Variants in HERC1 observed in about 807,000 individuals in gnomAD.
The protein encoded by HERC1 is probable E3 ubiquitin-protein ligase HERC1.
Under a neutral mutation model 554.3 loss-of-function variants are expected in HERC1, and 160 were observed. That is an observed-to-expected ratio of 0.29 (90% CI 0.25 to 0.33). The LOEUF (loss-of-function observed/expected upper bound fraction) is 0.33, where lower values mean the gene tolerates loss of function less well. Among genes scored for constraint, HERC1 ranks in the 10% least tolerant of loss-of-function variants. HERC1 has a pLI of 1.00. For synonymous variants in HERC1, 2,175 were observed against 2,131.7 expected (o/e 1.02, Z -0.56); for missense variants, 4,919 against 5,918.5 (o/e 0.83, Z 5.54).
rs201312041 is a variant in HERC1 at position 63,656,276 on chromosome 15, C to T, written c.9682G>A (p.Ala3228Thr). 180 of 1,613,960 alleles carry T rather than the reference C, an allele frequency of 1.1e-4. No homozygotes were observed. The highest frequency in any genetic ancestry group is 1.5e-4 in the Admixed American group (9 of 60,026). ...IRTLVRLMCLAAAGRAGLSTS... is the reference protein window; with the variant it reads ...IRTLVRLMCLTAAGRAGLSTS... ...GAGAGGCCAGCTCTCCCTGCTGCTG[C>T]CAAGCACATTAATCGAACTAGCGTT... The change falls in exon 49 of 78, where the codon GCA becomes ACA. Residue 3228 changes from alanine to threonine, a missense_variant. By Grantham distance (58) the Ala-to-Thr change is moderately conservative. Transcript: ENST00000443617.
At chr15:63,770,639 T>A (rs1207311989) in intron 2 of HERC1, among the ~76,000 whole-genome samples, 1 of 152,244 alleles carries the variant, frequency 6.6e-6, no homozygotes, top group African/African-American at 2.4e-5. Context: ...TACATATGTG[T>A]GGGCAGCAGA....
rs933434277 is a variant in HERC1 at position 63,661,024 on chromosome 15, A to G, written c.9172T>C (p.Tyr3058His). Residue 3058 changes from tyrosine to histidine, a missense_variant and splice_region_variant, in exon 46 of 78, where the codon TAC becomes CAC. This residue lies in a region of HERC1 where 1,963 missense variants were observed against 2,228.6 expected (regional missense o/e 0.88). Transcript: ENST00000443617. ...ATTAGATCTGGAGCTTGTCCCTTGT[A>G]CCTGCACCAAACATGAAGAACATTG... ...TKSKSTSSER[Y>H]KGQAPDLIGK... 6.8e-6 allele frequency: 11 copies of G among 1,610,086 alleles called. No individual in the cohort carries two copies. Among genetic ancestry groups the G allele is most frequent in the Non-Finnish European group, 8.5e-6 (10 of 1,176,526 alleles).
At chr15:63,705,465 T>C (rs1470798795) in intron 25 of HERC1, among the ~76,000 whole-genome samples, 1 of 152,188 alleles carries the variant, frequency 6.6e-6, no homozygotes, top group Non-Finnish European at 1.5e-5. Flanking sequence ...TTGCCAAATT[T>C]TAAGTAACAA....
chr15:63,704,532 T>C (rs902715878), intron 25 of HERC1, among the ~76,000 whole-genome samples: 3 of 152,160 alleles, frequency 2.0e-5, no homozygotes, highest in Middle Eastern at 3.2e-3. Context: ...CCAAATGATA[T>C]ACATTTATTA....
At chr15:63,649,111 T>C (rs748329455) in intron 54 of HERC1, among the ~76,000 whole-genome samples, 23 of 152,296 alleles carry the variant, frequency 1.5e-4, no homozygotes, top group South Asian at 4.1e-4. Context: ...TCCCAGGACT[T>C]TGGGAGGCCA....
At chr15:63,638,368 T>C in intron 63 of HERC1, 43 bp downstream of exon 63, 13 of 1,588,580 alleles carry the variant, frequency 8.2e-6, no homozygotes, top group Non-Finnish European at 1.1e-5. Context: ...ATTAGAATTT[T>C]CAGTTCCCAT....
rs769331312 is a variant in HERC1, at chr15:63,678,022, G to A, written c.6893C>T (p.Thr2298Ile). The A allele has an allele frequency of 2.5e-6, 4 of 1,613,984 alleles. No individual in the cohort carries two copies. Among genetic ancestry groups the A allele is most frequent in the Non-Finnish European group, 3.4e-6 (4 of 1,179,882 alleles). ...LADLSELQLR[T>I]LCIEVWPVLA... Reference sequence around the variant, plus strand: ...CACGGGCCACACCTCTATGCAAAGAGTCCTCAGCTGCAGCTCTGAGAGGTC... The same window carrying A: ...CACGGGCCACACCTCTATGCAAAGAATCCTCAGCTGCAGCTCTGAGAGGTC... Residue 2298 changes from threonine to isoleucine, a missense_variant, in exon 37 of 78, where the codon ACT becomes ATT. Physicochemically the swap from Thr to Ile is moderately conservative, Grantham distance 89. Transcript: ENST00000443617.
At chr15:63,732,734 C>A (rs993795620) in intron 14 of HERC1, among the ~76,000 whole-genome samples, 190 bp downstream of exon 14, 1 of 152,146 alleles carries the variant, frequency 6.6e-6, no homozygotes, top group African/African-American at 2.4e-5. Flanking sequence ...TAAAATAAAT[C>A]CCTTTGAAAT....
chr15:63,616,317 T>C lies in HERC1; in HGVS notation c.13941+113A>G, dbSNP rs1304996072. On this transcript the variant is annotated intron_variant, in intron 75 of 77. Coordinates refer to ENST00000443617, the MANE Select transcript of HERC1 (RefSeq NM_003922.4). Reference sequence around the variant, plus strand: ...GGGCAGCAATGGCATAGATATGGCATTGTTCAGCCAGACAGCAAGTGGAAG... The same window carrying C: ...GGGCAGCAATGGCATAGATATGGCACTGTTCAGCCAGACAGCAAGTGGAAG... 17 of 1,135,224 alleles carry C rather than the reference T, an allele frequency of 1.5e-5. No homozygotes were observed. The East Asian group carries it at 2.6e-4, about 17-fold the overall frequency. The allele number at this position is 1,135,224 out of a possible 1,614,324, so 70.3% of individuals were successfully genotyped here. A position where few individuals can be genotyped will look rare whatever the true frequency, so the allele number is the denominator to read the frequency against.
At chr15:63,620,481 G>A (rs1319376856) in intron 74 of HERC1, among the ~76,000 whole-genome samples, 1 of 152,160 alleles carries the variant, frequency 6.6e-6, no homozygotes, top group African/African-American at 2.4e-5. Flanking sequence ...TTGATTTGGG[G>A]TGGAGAGTTC....
intron 13 of HERC1, among the ~76,000 whole-genome samples, chr15:63,733,673 G>C (rs946633545): frequency 6.6e-6 from 1 of 151,760 alleles, no homozygotes; most frequent in African/African-American, 2.4e-5. Flanking sequence ...GGGCAACATA[G>C]CAAAACCCCC....
At chr15:63,629,226 A>C (rs2068441597) in intron 69 of HERC1, among the ~76,000 whole-genome samples, 1 of 152,220 alleles carries the variant, frequency 6.6e-6, no homozygotes, top group Non-Finnish European at 1.5e-5. Context: ...CTGGGATTAC[A>C]GGTGTGAGCC....
At chr15:63,722,915 T>C (rs974207913) in intron 19 of HERC1, among the ~76,000 whole-genome samples, 1 of 152,208 alleles carries the variant, frequency 6.6e-6, no homozygotes, top group African/African-American at 2.4e-5. Flanking sequence ...GGGAGACTAC[T>C]ATACTTCAGT....
Position 63,624,330 on chromosome 15 carries a change from G to A in HERC1, c.13276-3C>T, listed in dbSNP as rs554429475. The A allele has an allele frequency of 6.3e-7, 1 of 1,587,086 alleles. No homozygotes were observed. Among genetic ancestry groups the A allele is most frequent in the Non-Finnish European group, 8.6e-7 (1 of 1,163,918 alleles). On this transcript the variant is annotated splice_polypyrimidine_tract_variant and splice_region_variant and intron_variant, in intron 71 of 77. Transcript: ENST00000443617. ...GCATTATAATGGGATGTGCTGTTCT[G>A]TAACAGAAGGTACGGTTATCAGAAA...
At chr15:63,729,147 G>T in intron 16 of HERC1, 89 bp downstream of exon 16, 1 of 1,183,954 alleles carries the variant, frequency 8.4e-7, no homozygotes, top group Non-Finnish European at 1.2e-6. Flanking sequence ...TCCTATTCCA[G>T]AGGCTTCTGG....
chr15:63,702,924 T>C (rs772255781), intron 25 of HERC1, among the ~76,000 whole-genome samples: 4 of 151,950 alleles, frequency 2.6e-5, no homozygotes, highest in Admixed American at 6.6e-5. Flanking sequence ...GCCAACATGG[T>C]GAAACTCCGT....
intron 1 of HERC1, among the ~76,000 whole-genome samples, chr15:63,807,366 T>C (rs1342161050): frequency 1.3e-5 from 2 of 152,156 alleles, no homozygotes; most frequent in African/African-American, 4.8e-5. Context: ...TTCATTTCTC[T>C]AGCTCCCTTC....
At chr15:63,656,013 TATTTC>T in intron 49 of HERC1, 58 bp from the exon 50 acceptor site, 3 of 1,593,124 alleles carry the variant, frequency 1.9e-6, no homozygotes, top group Non-Finnish European at 2.6e-6. Flanking sequence ...GGAACAAAAA[TATTTC>T]ATTTCAAAAG....
At position 63,656,344 on chromosome 15, in the gene HERC1, C is replaced by T. The variant is rs2070030886; in HGVS notation, c.9614G>A (p.Ser3205Asn). Reference sequence around the variant, plus strand: ...CAGAGACTCAAGACCAGCAGCCAGGCTACAACTGGAACCACTGCCAGTAAA... The same window carrying T: ...CAGAGACTCAAGACCAGCAGCCAGGTTACAACTGGAACCACTGCCAGTAAA... ...SLLSVSGSSC[S>N]LAAGLESLGL... is the part of the protein sequence containing the mutation. The change falls in exon 49 of 78, where the codon AGC becomes AAC. Residue 3205 changes from serine to asparagine, a missense_variant. By Grantham distance (46) the Ser-to-Asn change is conservative. Transcript: ENST00000443617. 1 of 1,609,572 alleles carries T rather than the reference C, an allele frequency of 6.2e-7. No homozygotes were observed. Among genetic ancestry groups the T allele is most frequent in the Non-Finnish European group, 8.5e-7 (1 of 1,176,898 alleles).
Sources: gnomAD v4.1 joint callset for allele counts (sites outside exome capture counted in the v4.1 genomes callset) on GRCh38, gnomAD v4.1.1 for gene constraint, gnomAD v4.1.1 regional missense constraint, MANE v1.5 for transcripts, NCBI Gene and HGNC (gene_info 2026-07-23, HGNC 2026-07-21) for gene names.